PCDH15: variants seen among roughly 807,000 people sequenced by gnomAD.
The protein encoded by PCDH15 is protocadherin-15.
In PCDH15, 129 loss-of-function variants were observed where a neutral mutation model predicts 178.5. The observed-to-expected ratio is 0.72, with a 90% CI of 0.63 to 0.84. The LOEUF (loss-of-function observed/expected upper bound fraction) is 0.84. Ranked by LOEUF, PCDH15 falls within the 40% of genes least tolerant of loss-of-function variation. The pLI, the probability that PCDH15 is intolerant of heterozygous loss-of-function variation, is 0.00. For synonymous variants in PCDH15, 800 were observed against 732.0 expected (o/e 1.09, Z -1.50); for missense variants, 2,230 against 2,099.9 (o/e 1.06, Z -1.21).
At chr10:55,192,342 A>G (rs1167502782) in intron 1 of PCDH15, among the ~76,000 whole-genome samples, 2 of 152,030 alleles carry the variant, frequency 1.3e-5, no homozygotes, top group East Asian at 1.9e-4. Flanking sequence ...GGCAGGAAAA[A>G]AAATAAAATG....
rs561704323 is a variant in PCDH15, at chr10:55,568,144, T to G, written c.-156+59481A>C. Among the ~76,000 whole-genome samples, 4 of 152,056 alleles carry G rather than the reference T, an allele frequency of 2.6e-5. No homozygotes were observed. In the South Asian group the frequency reaches 8.3e-4, roughly 32 times the overall value. On this transcript the variant is annotated intron_variant, in intron 2 of 5. Coordinates refer to the PCDH15 transcript ENST00000613346. The stretch of plus-strand genomic sequence containing the variant: ...TAGCATTACTAATAATAGCTAAAAT[T>G]TAGAAGCAACTCAAGAGTCTATCAA...
At chr10:55,159,448 C>G (rs1838999721) in intron 2 of PCDH15, among the ~76,000 whole-genome samples, 1 of 148,894 alleles carries the variant, frequency 6.7e-6, no homozygotes, top group Non-Finnish European at 1.5e-5. Flanking sequence ...TATACATACA[C>G]TATACAAAGA....
intron 28 of PCDH15, among the ~76,000 whole-genome samples, chr10:53,843,211 T>A (rs1339592038): frequency 6.6e-6 from 1 of 152,180 alleles, no homozygotes. Context: ...GTATATCTTA[T>A]GATAAAAAGA....
chr10:54,034,533 A>G (rs2093371940), intron 18 of PCDH15, among the ~76,000 whole-genome samples: 1 of 151,950 alleles, frequency 6.6e-6, no homozygotes, highest in Non-Finnish European at 1.5e-5. Flanking sequence ...ATGTTTTCTA[A>G]TGTCTTGTCC....
intron 3 of PCDH15, among the ~76,000 whole-genome samples, chr10:54,848,609 A>G (rs1166189812): frequency 3.9e-5 from 6 of 152,090 alleles, no homozygotes; most frequent in Non-Finnish European, 8.8e-5. Flanking sequence ...CTCCACAACT[A>G]TAGAAAATGA....
chr10:54,254,234 C>T lies in PCDH15; in HGVS notation c.877-17303G>A, dbSNP rs2056730660. Among the ~76,000 whole-genome samples the T allele has an allele frequency of 2.0e-5, 3 of 151,978 alleles. 1 individual carries two copies. The South Asian group carries it at 6.2e-4, about 31-fold the overall frequency. On this transcript the variant is annotated intron_variant, in intron 8 of 37. Coordinates refer to ENST00000644397, the MANE Select transcript of PCDH15 (RefSeq NM_001384140.1). ...TGGTTAGTGTATGTGACTTAAGAAG[C>T]AATGATTAGAATTTGTAGAGATGAT...
chr10:55,387,314 G>A (rs1374998780), intron 2 of PCDH15, among the ~76,000 whole-genome samples: 1 of 152,010 alleles, frequency 6.6e-6, no homozygotes, highest in Non-Finnish European at 1.5e-5. Context: ...AGGAAACATG[G>A]TCAGAATTAT....
chr10:54,346,439 T>C lies in PCDH15; in HGVS notation c.520A>G (p.Asn174Asp), dbSNP rs1943301252. The C allele has an allele frequency of 1.2e-6, 2 of 1,613,730 alleles. No individual in the cohort carries two copies. Among genetic ancestry groups the C allele is most frequent in the Non-Finnish European group, 1.7e-6 (2 of 1,179,820 alleles). ...TTIFTGFSGD[N>D]GATDIDDGPN... ...CCATCATCTATATCTGTAGCTCCAT[T>C]GTCTCCTGAAAATCCTGTGAATATT... The change falls in exon 6 of 38, where the codon AAT (asparagine) becomes GAT (aspartate). Residue 174 changes from asparagine to aspartate, a missense_variant. By Grantham distance (23) the Asn-to-Asp change is conservative. Transcript: ENST00000644397.
chr10:55,509,372 C>T (rs1011398422), intron 2 of PCDH15, among the ~76,000 whole-genome samples: 1 of 151,594 alleles, frequency 6.6e-6, no homozygotes, highest in African/African-American at 2.4e-5. Context: ...AAAACGAAAT[C>T]GAAACCAAGC....
intron 2 of PCDH15, among the ~76,000 whole-genome samples, chr10:54,597,086 G>C (rs146073688): frequency 2.6e-5 from 4 of 152,024 alleles, no homozygotes; most frequent in African/African-American, 7.2e-5. Flanking sequence ...CTTAACACTG[G>C]ACCAAATTGA....
At chr10:54,954,852 A>G (rs1366660507) in intron 2 of PCDH15, among the ~76,000 whole-genome samples, 1 of 151,238 alleles carries the variant, frequency 6.6e-6, no homozygotes, top group Non-Finnish European at 1.5e-5. Context: ...CCTTGACACA[A>G]TCTTTAGAAC....
At chr10:55,090,736 A>C (rs1276573230) in intron 2 of PCDH15, among the ~76,000 whole-genome samples, 1 of 152,106 alleles carries the variant, frequency 6.6e-6, no homozygotes, top group Non-Finnish European at 1.5e-5. Flanking sequence ...ATTTTGAAGA[A>C]CTGTGAAGGT....
intron 3 of PCDH15, among the ~76,000 whole-genome samples, chr10:54,394,060 G>GTC (rs1950882628): frequency 6.6e-6 from 1 of 151,732 alleles, no homozygotes; most frequent in African/African-American, 2.4e-5. Flanking sequence ...AAGAAAGAGA[G>GTC]ATGAAGAAAG....
intron 3 of PCDH15, among the ~76,000 whole-genome samples, chr10:54,847,366 A>G (rs1953534846): frequency 6.6e-6 from 1 of 152,068 alleles, no homozygotes; most frequent in Non-Finnish European, 1.5e-5. Flanking sequence ...CTTAATATGT[A>G]CTTAATTGTC....
intron 2 of PCDH15, among the ~76,000 whole-genome samples, chr10:54,900,759 C>A (rs1385674043): frequency 6.6e-6 from 1 of 152,092 alleles, no homozygotes; most frequent in East Asian, 1.9e-4. Flanking sequence ...TGGAAATTAA[C>A]CTTCAGCGAC....
At chr10:54,592,060 T>C (rs1231211311) in intron 2 of PCDH15, among the ~76,000 whole-genome samples, 2 of 152,146 alleles carry the variant, frequency 1.3e-5, no homozygotes, top group East Asian at 1.9e-4. Context: ...GCAAATATCA[T>C]AGCAGCATCT....
intron 26 of PCDH15, among the ~76,000 whole-genome samples, chr10:53,898,622 G>A (rs1009312843): frequency 1.3e-5 from 2 of 152,090 alleles, no homozygotes; most frequent in African/African-American, 2.4e-5. Flanking sequence ...AATGTGACAT[G>A]AGCCTTCAAA....
Position 54,750,946 on chromosome 10 carries a change from AC to A in PCDH15, c.-29+49978del, listed in dbSNP as rs1346678466. Among the ~76,000 whole-genome samples, 4 of 152,104 alleles carry A rather than the reference AC, an allele frequency of 2.6e-5. No homozygotes were observed. In the East Asian group the frequency reaches 7.7e-4, roughly 29 times the overall value. ...ATCTAGTTTGTAGTTGCCAAGAAGT[AC>A]CAGCTTTACATGCACTGGCAACAGT... On this transcript the variant is annotated intron_variant, in intron 1 of 37. Coordinates refer to ENST00000644397, the MANE Select transcript of PCDH15 (RefSeq NM_001384140.1).
intron 1 of PCDH15, among the ~76,000 whole-genome samples, chr10:54,787,141 T>C (rs1366383011): frequency 6.6e-6 from 1 of 151,840 alleles, no homozygotes; most frequent in Non-Finnish European, 1.5e-5. Flanking sequence ...ATGCAGTTAA[T>C]TGGTTCATTA....
Sources: gnomAD v4.1 joint callset for allele counts (sites outside exome capture counted in the v4.1 genomes callset) on GRCh38, gnomAD v4.1.1 for gene constraint, MANE v1.5 for transcripts, NCBI Gene and HGNC (gene_info 2026-07-23, HGNC 2026-07-21) for gene names.